The following DIAPH2 variants were observed in gnomAD, a reference collection of about 807,000 sequenced individuals.
DIAPH2 encodes protein diaphanous homolog 2.
Under a neutral mutation model 92.7 loss-of-function variants are expected in DIAPH2, and 35 were observed. That is an observed-to-expected ratio of 0.38 (90% CI 0.29 to 0.50). The LOEUF (loss-of-function observed/expected upper bound fraction) is 0.50, where lower values mean the gene tolerates loss of function less well. Ranked by LOEUF, DIAPH2 falls within the 20% of genes least tolerant of loss-of-function variation. DIAPH2 has a pLI of 0.94. For synonymous variants in DIAPH2, 301 were observed against 280.4 expected (o/e 1.07, Z -0.73); for missense variants, 701 against 819.5 (o/e 0.86, Z 1.77).
chrX:96,984,240 C>G (rs991773680), intron 17 of DIAPH2, among the ~76,000 whole-genome samples: 5 of 111,445 alleles, frequency 4.5e-5, no homozygotes, highest in Non-Finnish European at 9.4e-5. Flanking sequence ...TTCCCCTAGA[C>G]TAGGAGTAAG....
chrX:96,788,949 C>T (rs1021058676), intron 4 of DIAPH2, among the ~76,000 whole-genome samples: 1 of 112,486 alleles, frequency 8.9e-6, no homozygotes, highest in Non-Finnish European at 1.9e-5. Flanking sequence ...CAACACAGTG[C>T]CACAGGTATA....
chrX:97,574,984 T>G (rs931441093), intron 26 of DIAPH2, among the ~76,000 whole-genome samples: 15 of 112,306 alleles, frequency 1.3e-4, no homozygotes, highest in Non-Finnish European at 2.8e-4. Flanking sequence ...GCAGAATAAA[T>G]AGATGCAAAA....
intron 23 of DIAPH2, among the ~76,000 whole-genome samples, chrX:97,280,826 T>C (rs1375015845): frequency 9.0e-6 from 1 of 111,674 alleles, no homozygotes; most frequent in African/African-American, 3.3e-5. Context: ...CCAGAGGCCT[T>C]ATAAATATGC....
chrX:96,968,501 G>A (rs896408505), intron 17 of DIAPH2, among the ~76,000 whole-genome samples: 1 of 111,783 alleles, frequency 8.9e-6, no homozygotes, highest in Non-Finnish European at 1.9e-5. Context: ...TTACAGGCAT[G>A]AGCCACCATG....
chrX:97,047,639 A>C (rs1342753901), intron 17 of DIAPH2, among the ~76,000 whole-genome samples: 1 of 92,949 alleles, frequency 1.1e-5, no homozygotes, highest in Non-Finnish European at 2.0e-5. Flanking sequence ...TTAGCCAAGT[A>C]TATACTTTGG....
At chrX:96,889,104 A>C (rs1041256535) in intron 5 of DIAPH2, among the ~76,000 whole-genome samples, 4 of 111,869 alleles carry the variant, frequency 3.6e-5, no homozygotes, top group African/African-American at 1.3e-4. Context: ...ACACCTTTGT[A>C]CTCATCTATC....
Position 96,800,266 on chromosome X carries a change from T to TC in DIAPH2, c.447+42012dup, listed in dbSNP as rs1556180808. Among the ~76,000 whole-genome samples the TC allele has an allele frequency of 1.4e-3, 158 of 111,080 alleles. 1 individual carries two copies. The highest frequency in any genetic ancestry group is 4.8e-3 in the African/African-American group (147 of 30,546). On this transcript the variant is annotated intron_variant, in intron 4 of 26. Transcript: ENST00000324765. Reference sequence around the variant, plus strand: ...TAGTCTCACAAGATACATTTTTTTTTCCCCAGATGTAAGTGAAGCCTCTTT... The same window carrying TC: ...TAGTCTCACAAGATACATTTTTTTTTCCCCCAGATGTAAGTGAAGCCTCTTT...
At chrX:97,520,062 T>A (rs1228050941) in intron 26 of DIAPH2, among the ~76,000 whole-genome samples, 4 of 112,178 alleles carry the variant, frequency 3.6e-5, no homozygotes, top group African/African-American at 9.7e-5. Flanking sequence ...CCCCCTGCTT[T>A]TTCCCAATGT....
intron 22 of DIAPH2, among the ~76,000 whole-genome samples, chrX:97,216,934 G>A (rs926542331): frequency 8.9e-6 from 1 of 111,808 alleles, no homozygotes; most frequent in Non-Finnish European, 1.9e-5. Flanking sequence ...GGAATGTGGA[G>A]AGATGTAGGA....
intron 17 of DIAPH2, among the ~76,000 whole-genome samples, chrX:96,969,986 G>C (rs1355435680): frequency 8.9e-6 from 1 of 111,930 alleles, no homozygotes; most frequent in African/African-American, 3.2e-5. Flanking sequence ...TGATCATATG[G>C]TTTTTGTTTT....
At chrX:97,323,890 C>A (rs761607816) in intron 23 of DIAPH2, among the ~76,000 whole-genome samples, 1 of 84,839 alleles carries the variant, frequency 1.2e-5, no homozygotes, top group Non-Finnish European at 2.2e-5. Flanking sequence ...GCAACAGGAG[C>A]GAAACTCTGT....
chrX:96,835,062 T>C (rs1465706680), intron 4 of DIAPH2, among the ~76,000 whole-genome samples: 1 of 111,708 alleles, frequency 9.0e-6, no homozygotes, highest in Non-Finnish European at 1.9e-5. Flanking sequence ...AACATATCTT[T>C]ATTTCAGTTA....
chrX:97,211,169 C>T (rs1295334010), intron 22 of DIAPH2, among the ~76,000 whole-genome samples: 1 of 111,431 alleles, frequency 9.0e-6, no homozygotes, highest in Non-Finnish European at 1.9e-5. Context: ...AAACATAACA[C>T]ATCTACTTGA....
intron 17 of DIAPH2, among the ~76,000 whole-genome samples, chrX:97,050,792 C>A (rs142749337): frequency 0.035 from 3,927 of 111,023 alleles, 84 homozygotes; most frequent in Middle Eastern, 0.083. Context: ...ATTTATTTCT[C>A]TTTTATTTTT....
rs767514521 is a variant in DIAPH2, at chrX:97,073,076, G to A, written c.2152+34G>A. 7 of 975,562 alleles carry A rather than the reference G, an allele frequency of 7.2e-6. No homozygotes were observed. The Admixed American group carries it at 1.3e-4, about 18-fold the overall frequency. The allele number at this position is 975,562 out of a possible 1,213,427, so 80.4% of individuals were successfully genotyped here. A position where few individuals can be genotyped will look rare whatever the true frequency, so the allele number is the denominator to read the frequency against. ...TATTTTCTTCGTAGGATTGGTATAG[G>A]TAACGGTGAGAGGGGTGGGAGCTGT... is the stretch of plus-strand genomic sequence containing the variant. On this transcript the variant is annotated intron_variant, in intron 18 of 26. Transcript: ENST00000324765.
intron 15 of DIAPH2, among the ~76,000 whole-genome samples, chrX:96,949,909 G>C (rs572034491): frequency 9.2e-6 from 1 of 108,150 alleles, no homozygotes; most frequent in African/African-American, 3.3e-5. Context: ...TCTTAACATA[G>C]TGGGTGCTCA....
chrX:97,039,331 T>C (rs1390932036), intron 17 of DIAPH2, among the ~76,000 whole-genome samples: 1 of 111,531 alleles, frequency 9.0e-6, no homozygotes. Context: ...ATTTTTGCAG[T>C]TTGCAATTTT....
At chrX:96,896,068 A>G (rs767542947) in intron 5 of DIAPH2, among the ~76,000 whole-genome samples, 1 of 111,973 alleles carries the variant, frequency 8.9e-6, no homozygotes, top group South Asian at 3.7e-4. Context: ...TCTACAGCCA[A>G]TAGTCATAAA....
At chrX:97,406,278 T>C (rs2069809145) in intron 25 of DIAPH2, among the ~76,000 whole-genome samples, 1 of 111,854 alleles carries the variant, frequency 8.9e-6, no homozygotes. Flanking sequence ...CCAGCACTTG[T>C]TGATTTCTCC....
Sources: gnomAD v4.1 joint callset for allele counts (sites outside exome capture counted in the v4.1 genomes callset) on GRCh38, gnomAD v4.1.1 for gene constraint, MANE v1.5 for transcripts, NCBI Gene and HGNC (gene_info 2026-07-23, HGNC 2026-07-21) for gene names.